EVA1C: variants seen among roughly 807,000 people sequenced by gnomAD.
EVA1C encodes protein eva-1 homolog C.
A neutral mutation model predicts 45.4 loss-of-function variants in EVA1C; 25 were observed. The observed-to-expected ratio is 0.55, with a 90% CI of 0.40 to 0.77. EVA1C has a LOEUF of 0.77. Among genes scored for constraint, EVA1C ranks in the 30% least tolerant of loss-of-function variants. EVA1C has a pLI of 0.00. For synonymous variants in EVA1C, 190 were observed against 221.2 expected (o/e 0.86, Z 1.25); for missense variants, 479 against 554.8 (o/e 0.86, Z 1.37).
intron 1 of EVA1C, among the ~76,000 whole-genome samples, chr21:32,416,170 T>C (rs1372263362): frequency 1.3e-5 from 2 of 151,986 alleles, no homozygotes; most frequent in African/African-American, 4.8e-5. Context: ...GTGTCTCTTG[T>C]ATTTAGTTTG....
intron 1 of EVA1C, among the ~76,000 whole-genome samples, chr21:32,422,156 T>G (rs988963297): frequency 1.3e-5 from 2 of 149,704 alleles, no homozygotes; most frequent in Admixed American, 1.3e-4. Context: ...TGTAAAAGAA[T>G]CAAAGATATC....
intron 4 of EVA1C, among the ~76,000 whole-genome samples, chr21:32,480,067 TATC>T (rs2036721862): frequency 6.6e-6 from 1 of 152,130 alleles, no homozygotes; most frequent in African/African-American, 2.4e-5. Context: ...CCTATGGAAA[TATC>T]ATACTTGTTT....
chr21:32,471,323 T>G (rs1314539803), intron 4 of EVA1C, among the ~76,000 whole-genome samples: 3 of 120,888 alleles, frequency 2.5e-5, no homozygotes, highest in African/African-American at 3.7e-5. Flanking sequence ...CTCCTTTTTT[T>G]CTTTTTTCTT....
intron 7 of EVA1C, among the ~76,000 whole-genome samples, chr21:32,512,994 A>ACTTACAATAATATAGTAAGTATTATAATG (rs1334943691): frequency 8.6e-5 from 13 of 151,776 alleles, no homozygotes; most frequent in African/African-American, 2.9e-4. Flanking sequence ...TCTGTATAAT[A>ACTTACAATAATATAGTAAGTATTATAATG]CTTACAATAA....
chr21:32,442,663 TAAA>T (rs111617678), intron 1 of EVA1C, among the ~76,000 whole-genome samples: 3 of 111,264 alleles, frequency 2.7e-5, no homozygotes, highest in African/African-American at 3.1e-5. Context: ...TGGCAGGTTA[TAAA>T]AAAAAAAAAA....
intron 1 of EVA1C, among the ~76,000 whole-genome samples, chr21:32,431,420 G>A (rs187255037): frequency 5.3e-5 from 8 of 152,200 alleles, no homozygotes; most frequent in African/African-American, 1.7e-4. Flanking sequence ...GACACTAAGG[G>A]CTAAGCTGGC....
chr21:32,497,468 T>A (rs1227483257), intron 5 of EVA1C, among the ~76,000 whole-genome samples: 1 of 152,202 alleles, frequency 6.6e-6, no homozygotes, highest in Non-Finnish European at 1.5e-5. Flanking sequence ...AATATTTTTA[T>A]AAGTAAATTA....
At chr21:32,430,744 G>A (rs570187357) in intron 1 of EVA1C, among the ~76,000 whole-genome samples, 64 of 152,196 alleles carry the variant, frequency 4.2e-4, no homozygotes, top group Middle Eastern at 3.4e-3. Context: ...AAGCCAAGGC[G>A]GGTGGATCAC....
intron 4 of EVA1C, among the ~76,000 whole-genome samples, chr21:32,469,536 C>G (rs1353834271): frequency 6.6e-6 from 1 of 152,158 alleles, no homozygotes; most frequent in African/African-American, 2.4e-5. Flanking sequence ...TCATCAAGCC[C>G]TCCTATATGA....
At chr21:32,415,456 C>T (rs145498396) in intron 1 of EVA1C, among the ~76,000 whole-genome samples, 29 of 152,198 alleles carry the variant, frequency 1.9e-4, no homozygotes, top group African/African-American at 6.3e-4. Flanking sequence ...AATATAGGCC[C>T]CTTTCTCCCC....
At chr21:32,479,239 G>A (rs1025899193) in intron 4 of EVA1C, among the ~76,000 whole-genome samples, 2 of 152,084 alleles carry the variant, frequency 1.3e-5, no homozygotes, top group African/African-American at 2.4e-5. Flanking sequence ...TGGTCAACAT[G>A]GGGAAACCCC....
chr21:32,471,267 T>C (rs2036359984), intron 4 of EVA1C, among the ~76,000 whole-genome samples: 1 of 152,074 alleles, frequency 6.6e-6, no homozygotes, highest in Non-Finnish European at 1.5e-5. Context: ...TGCAAGGCAT[T>C]GTGGATCTAC....
chr21:32,449,073 A>G (rs1330145691), intron 1 of EVA1C, among the ~76,000 whole-genome samples: 1 of 152,100 alleles, frequency 6.6e-6, no homozygotes, highest in Non-Finnish European at 1.5e-5. Flanking sequence ...AAAGAAAGAA[A>G]AATGGAGCAA....
chr21:32,493,764 T>C (rs1260434537), intron 4 of EVA1C: 2 of 149,326 alleles, frequency 1.3e-5, no homozygotes, highest in African/African-American at 5.0e-5. Context: ...AAAAGCAAGG[T>C]AGGCTTTTTA....
intron 1 of EVA1C, among the ~76,000 whole-genome samples, chr21:32,415,467 C>A (rs1427369219): frequency 1.3e-5 from 2 of 152,176 alleles, no homozygotes; most frequent in East Asian, 3.9e-4. Context: ...CTTTCTCCCC[C>A]CAGGAGATTA....
rs142750108 is a variant in EVA1C, at chr21:32,461,673, A to G, written c.481+3953A>G. Among the ~76,000 whole-genome samples, 385 of 152,304 alleles carry G rather than the reference A, an allele frequency of 2.5e-3. 3 individuals are homozygous for G. The highest frequency in any genetic ancestry group is 9.0e-3 in the African/African-American group (375 of 41,576). ...GGCATCTGCCACGGTGGGAGTATTT[A>G]CACCAGGGAAATGGGCAAATGCCAC... On this transcript the variant is annotated intron_variant, in intron 3 of 7. Transcript: ENST00000300255.
rs182552447 is a variant in EVA1C, at chr21:32,489,951, G to C, written c.635-5076G>C. ...TGAGTAACTGGGATTACAGGCGTGT[G>C]CCACCGCGCCTGGCTAATTTTTGTA... On this transcript the variant is annotated intron_variant, in intron 4 of 7. Transcript: ENST00000300255. 2.0e-5 allele frequency among the ~76,000 whole-genome samples: 3 copies of C among 152,230 alleles called. No homozygotes were observed. In the East Asian group the frequency reaches 5.8e-4, roughly 29 times the overall value.
At chr21:32,507,877 G>T (rs927768587) in intron 7 of EVA1C, among the ~76,000 whole-genome samples, 1 of 151,768 alleles carries the variant, frequency 6.6e-6, no homozygotes, top group Non-Finnish European at 1.5e-5. Flanking sequence ...CGTCATGTGT[G>T]TGCATGTGTA....
At chr21:32,445,930 G>A (rs1237430983) in intron 1 of EVA1C, among the ~76,000 whole-genome samples, 2 of 152,256 alleles carry the variant, frequency 1.3e-5, no homozygotes, top group East Asian at 1.9e-4. Flanking sequence ...ATCCCTGAGC[G>A]ATGTGAAGCT....
Sources: gnomAD v4.1 joint callset for allele counts (sites outside exome capture counted in the v4.1 genomes callset) on GRCh38, gnomAD v4.1.1 for gene constraint, MANE v1.5 for transcripts, NCBI Gene and HGNC (gene_info 2026-07-23, HGNC 2026-07-21) for gene names.